Variants in LSS observed in about 807,000 individuals in gnomAD.
LSS encodes the protein lanosterol synthase.
LSS carries 90 observed loss-of-function variants against 110.3 expected under a neutral mutation model. The ratio of observed to expected loss-of-function variants is 0.82; its 90% CI spans 0.69 to 0.97. The LOEUF (loss-of-function observed/expected upper bound fraction) is 0.97, where lower values mean the gene tolerates loss of function less well. LSS is among the 50% of genes least tolerant of loss of function. The pLI is 0.00. For synonymous variants in LSS, 433 were observed against 400.0 expected, an observed-to-expected ratio of 1.08 and a Z score of -0.98; for missense variants, 927 against 990.0, an observed-to-expected ratio of 0.94 and a Z score of 0.85.
At position 46,213,732 on chromosome 21, in the gene LSS, A is replaced by G; in HGVS notation, c.1109+6T>C. 1 of 1,612,032 alleles carries G rather than the reference A, an allele frequency of 6.2e-7. No individual in the cohort carries two copies. Among genetic ancestry groups the G allele is most frequent in the South Asian group, 1.1e-5 (1 of 90,734 alleles). ...GGCCCCGCCAGCATATCCCAGCCAC[A>G]CTCACCAGAGATAGTCCGGGATTCT... On this transcript the variant is annotated splice_donor_region_variant and intron_variant, in intron 10 of 21. Transcript: ENST00000397728.
chr21:46,216,643 G>A lies in LSS; in HGVS notation c.648-119C>T, dbSNP rs76489504. On this transcript the variant is annotated intron_variant, in intron 6 of 21. Transcript: ENST00000397728. This position sits in a 1 kb window ranked among gnomAD's most constrained non-coding sequence, Gnocchi z 4.2. ...CTGGTGGATGGCTATTCCCCACCAC[G>A]TCAGTGCATCTGCGGGCATTTCCCA... The A allele has an allele frequency of 0.074, 94,199 of 1,273,806 alleles. 3,791 individuals carry two copies. The highest frequency in any genetic ancestry group is 0.099 in the Middle Eastern group (352 of 3,566). The allele number at this position is 1,273,806 out of a possible 1,614,324, so 78.9% of individuals were successfully genotyped here.
rs560842339 is a variant in LSS at position 46,213,830 on chromosome 21, C to T, written c.1017G>A (p.Ser339=). ...FTKSISIGPI[S]KTINMLVRWY... ...AGCGCACAAGCATGTTGATGGTTTTCGAGATCTGCAGGAGAGACAGCCCTG... is the reference window on the plus strand; with the variant it reads ...AGCGCACAAGCATGTTGATGGTTTTTGAGATCTGCAGGAGAGACAGCCCTG... Residue 339 remains serine, a synonymous_variant, in exon 10 of 22, where the codon TCG becomes TCA. Transcript: ENST00000397728. 13 of 1,613,114 alleles carry T rather than the reference C, an allele frequency of 8.1e-6. No individual in the cohort carries two copies. Among genetic ancestry groups the T allele is most frequent in the Admixed American group, 5.0e-5 (3 of 59,996 alleles).
rs183573334 is a variant in LSS at position 46,222,908 on chromosome 21, G to C, written c.320-170C>G. On this transcript the variant is annotated intron_variant, in intron 3 of 21. Coordinates refer to ENST00000397728, the MANE Select transcript of LSS (RefSeq NM_002340.6). ...GCCCCCATGGGGAACTTTGGGAACAGGGCCAGAAGGAACGTCAGCCACAGC... is the reference window on the plus strand; with the variant it reads ...GCCCCCATGGGGAACTTTGGGAACACGGCCAGAAGGAACGTCAGCCACAGC... 5.0e-4 allele frequency among the ~76,000 whole-genome samples: 76 copies of C among 152,358 alleles called. 1 individual carries two copies. The East Asian group carries it at 0.011, about 22-fold the overall frequency.
At chr21:46,219,186 G>A (rs369362319) in intron 6 of LSS, among the ~76,000 whole-genome samples, 20 of 152,290 alleles carry the variant, frequency 1.3e-4, no homozygotes, top group South Asian at 1.2e-3. Context: ...TTCTACAGAT[G>A]CTGAGTCTTC....
intron 17 of LSS, among the ~76,000 whole-genome samples, chr21:46,197,183 C>A (rs1421525209): frequency 6.6e-6 from 1 of 152,124 alleles, no homozygotes; most frequent in Non-Finnish European, 1.5e-5. Flanking sequence ...AGTCAAAGTA[C>A]AAATTAGTAA....
intron 20 of LSS, chr21:46,193,655 ATG>A (rs2079862356): frequency 2.3e-6 from 1 of 443,348 alleles, no homozygotes. Flanking sequence ...CCATGTACCT[ATG>A]TCTGTGTGTG....
At chr21:46,215,993 A>T (rs1035180845) in intron 7 of LSS, among the ~76,000 whole-genome samples, 200 bp from the exon 8 acceptor site, 36 of 152,234 alleles carry the variant, frequency 2.4e-4, no homozygotes, top group African/African-American at 8.7e-4. Flanking sequence ...CCCCAGCTCC[A>T]TGAGTCCCAG....
chr21:46,207,215 C>G (rs1030435812), intron 15 of LSS, among the ~76,000 whole-genome samples: 1 of 152,226 alleles, frequency 6.6e-6, no homozygotes, highest in Non-Finnish European at 1.5e-5. Flanking sequence ...GACACCAGCT[C>G]CGCAGTGCAG....
At chr21:46,225,465 C>T (rs190623322) in intron 3 of LSS, 29 of 447,216 alleles carry the variant, frequency 6.5e-5, no homozygotes, top group Middle Eastern at 6.9e-4. Context: ...TCCCTTTCCC[C>T]GGGGGAGTTT....
chr21:46,202,389 G>A (rs548255683), intron 17 of LSS, among the ~76,000 whole-genome samples: 315 of 138,440 alleles, frequency 2.3e-3, no homozygotes, highest in Non-Finnish European at 3.2e-3. Flanking sequence ...GCGAGACTCC[G>A]TCTCAAAAAA....
At chr21:46,200,961 G>T (rs1250563301) in intron 17 of LSS, among the ~76,000 whole-genome samples, 1 of 152,174 alleles carries the variant, frequency 6.6e-6, no homozygotes, top group Non-Finnish European at 1.5e-5. Flanking sequence ...CTTTCCAATG[G>T]TTCAAGAAAG....
In LSS at chr21:46,216,997, A is replaced by C. The variant is rs1458927035; in HGVS notation, c.648-473T>G. On this transcript the variant is annotated intron_variant, in intron 6 of 21. Coordinates refer to ENST00000397728, the MANE Select transcript of LSS (RefSeq NM_002340.6). This position sits in a 1 kb window ranked among gnomAD's most constrained non-coding sequence, Gnocchi z 4.2. ...CACGGTGGCTCACGCCTGTAACCCT[A>C]GCACTTTGGGAGGCCGAGGCTGGTG... Among the ~76,000 whole-genome samples the C allele has an allele frequency of 1.3e-5, 2 of 152,154 alleles. No homozygotes were observed. The highest frequency in any genetic ancestry group is 3.9e-4 in the East Asian group (2 of 5,188).
chr21:46,196,414 G>T, intron 17 of LSS, 147 bp from the exon 18 acceptor site: 1 of 662,204 alleles, frequency 1.5e-6, no homozygotes. Flanking sequence ...ACCGATGAGG[G>T]TTTTAAAAAG....
At chr21:46,213,254 C>A (rs944494079) in intron 10 of LSS, among the ~76,000 whole-genome samples, 1 of 152,202 alleles carries the variant, frequency 6.6e-6, no homozygotes, top group African/African-American at 2.4e-5. Context: ...ACACACTCAC[C>A]CAGAAGGGCC....
rs201155135 is a variant in LSS at position 46,203,264 on chromosome 21, AAAC to A, written c.1670+2569_1670+2571del. ...AAGGTTAAAATGGGGAAAAGCTAAAAAACAACAAGGAAAACTGAAAAATAACCC... is the reference window on the plus strand; with the variant it reads ...AAGGTTAAAATGGGGAAAAGCTAAAAAACAAGGAAAACTGAAAAATAACCC... On this transcript the variant is annotated intron_variant, in intron 17 of 21. Coordinates refer to ENST00000397728, the MANE Select transcript of LSS (RefSeq NM_002340.6). Among the ~76,000 whole-genome samples the A allele has an allele frequency of 9.1e-3, 1,379 of 152,334 alleles. 25 individuals carry two copies. Among genetic ancestry groups the A allele is most frequent in the African/African-American group, 0.032 (1,329 of 41,564 alleles).
chr21:46,191,261 C>T (rs1420646794), intron 21 of LSS, 26 bp from the exon 22 acceptor site: 4 of 1,613,610 alleles, frequency 2.5e-6, no homozygotes, highest in Non-Finnish European at 2.5e-6. Flanking sequence ...GAAATAAACA[C>T]AAAGGCTTCA....
chr21:46,191,861 T>C lies in LSS; in HGVS notation c.2067+20A>G. 1 of 1,607,912 alleles carries C rather than the reference T, an allele frequency of 6.2e-7. No individual in the cohort carries two copies. Among genetic ancestry groups the C allele is most frequent in the South Asian group, 1.1e-5 (1 of 90,072 alleles). On this transcript the variant is annotated intron_variant, in intron 21 of 21. Transcript: ENST00000397728. ...GAGGTCAGTGCTGGGCCTTGTGCGC[T>C]CAGGTCCCTGGCGGCATACCTGCGG...
rs919183332 is a variant in LSS, at chr21:46,214,749, G to A, written c.1011+431C>T. 2.0e-5 allele frequency among the ~76,000 whole-genome samples: 3 copies of A among 152,220 alleles called. No homozygotes were observed. In the South Asian group the frequency reaches 6.2e-4, roughly 32 times the overall value. On this transcript the variant is annotated intron_variant, in intron 9 of 21. Transcript: ENST00000397728. The stretch of plus-strand genomic sequence containing the variant: ...GCTCCAAGTCCCTAGCTAGGCAGGA[G>A]GAATCAGGAGTGGCACCTGCTACTC...
chr21:46,212,584 G>A (rs1473491607), intron 11 of LSS, among the ~76,000 whole-genome samples: 2 of 152,154 alleles, frequency 1.3e-5, no homozygotes, highest in East Asian at 1.9e-4. Context: ...CCAAGTCCAC[G>A]GGGAGCTCCC....
Sources: gnomAD v4.1 joint callset for allele counts (sites outside exome capture counted in the v4.1 genomes callset) on GRCh38, gnomAD v4.1.1 for gene constraint, Gnocchi (gnomAD v3.1) non-coding constraint, MANE v1.5 for transcripts, NCBI Gene and HGNC (gene_info 2026-07-23, HGNC 2026-07-21) for gene names.